Variants in MAST1 observed in about 807,000 individuals in gnomAD.
MAST1 encodes microtubule-associated serine/threonine-protein kinase 1.
A neutral mutation model predicts 124.6 loss-of-function variants in MAST1; 40 were observed. The ratio of observed to expected loss-of-function variants is 0.32; its 90% CI spans 0.25 to 0.42. MAST1 has a LOEUF of 0.42. Among genes scored for constraint, MAST1 ranks in the 10% least tolerant of loss-of-function variants. The pLI, the probability that MAST1 is intolerant of heterozygous loss-of-function variation, is 1.00. For missense variants in MAST1, 1,558 were observed against 2,181.9 expected, an observed-to-expected ratio of 0.71 and a Z score of 5.70; for synonymous variants, 938 against 939.4, an observed-to-expected ratio of 1.00 and a Z score of 0.03.
At position 12,867,903 on chromosome 19, in the gene MAST1, G is replaced by T. The variant is rs369276612; in HGVS notation, c.2492G>T (p.Gly831Val). The change falls in exon 20 of 26, where the codon GGA becomes GTA. Residue 831 changes from glycine to valine, a missense_variant. Physicochemically the swap from Gly to Val is moderately radical, Grantham distance 109. Around this residue, in one of 10 missense-constraint regions of MAST1, gnomAD observed 287 missense variants for 308.0 expected, o/e 0.93. Transcript: ENST00000251472. ...CCCCGGCCCAGCTCCGACCCCGCGGGATCCCTGGATGCACGGGCCCCCAAA... is the reference window on the plus strand; with the variant it reads ...CCCCGGCCCAGCTCCGACCCCGCGGTATCCCTGGATGCACGGGCCCCCAAA... ...RPPRPSSDPA[G>V]SLDARAPKEE... is the part of the protein sequence containing the mutation. 6.9e-6 allele frequency: 11 copies of T among 1,604,394 alleles called. No homozygotes were observed. The Admixed American group carries it at 1.9e-4, about 28-fold the overall frequency.
chr19:12,858,982 T>A (rs181227446), intron 12 of MAST1: 2 of 593,878 alleles, frequency 3.4e-6, no homozygotes, highest in East Asian at 5.5e-5. Flanking sequence ...CCATTATCCA[T>A]CCATCTATCC....
At chr19:12,844,048 A>G (rs1969862324) in intron 4 of MAST1, among the ~76,000 whole-genome samples, 1 of 152,178 alleles carries the variant, frequency 6.6e-6, no homozygotes, top group African/African-American at 2.4e-5. Context: ...CCATTCTTCA[A>G]AGGTGTTCAC....
chr19:12,846,341 C>T (rs1265366369), intron 4 of MAST1, among the ~76,000 whole-genome samples: 3 of 151,954 alleles, frequency 2.0e-5, no homozygotes, highest in Non-Finnish European at 4.4e-5. Flanking sequence ...GTGTGAGTCA[C>T]CATATTCAGT....
chr19:12,868,872 AG>A, intron 21 of MAST1, 23 bp downstream of exon 21: 4 of 1,560,406 alleles, frequency 2.6e-6, no homozygotes, highest in Non-Finnish European at 3.5e-6. Flanking sequence ...CCCACCTGGC[AG>A]GGGAGGGGCT....
Position 12,866,736 on chromosome 19 carries a change from T to G in MAST1, c.2113T>G (p.Ser705Ala). 1 of 1,613,826 alleles carries G rather than the reference T, an allele frequency of 6.2e-7. No individual in the cohort carries two copies. The highest frequency in any genetic ancestry group is 8.5e-7 in the Non-Finnish European group (1 of 1,179,900). ...EEEPVEIRQF[S>A]SCSPRFSKVY... ...GGAGCCCGTGGAAATCCGCCAGTTC[T>G]CTTCCTGCTCTCCGCGCTTCAGCAA... Residue 705 changes from serine (S) to alanine (A), a missense_variant, in exon 18 of 26, where the codon TCT (serine) becomes GCT (alanine). Around this residue, in one of 10 missense-constraint regions of MAST1, gnomAD observed 287 missense variants for 308.0 expected, o/e 0.93. Transcript: ENST00000251472. The surrounding 1 kb of genome is among the most constrained non-coding windows in gnomAD (Gnocchi z 5.2).
Position 12,845,162 on chromosome 19 carries a change from C to T in MAST1, c.327+1555C>T, listed in dbSNP as rs895104544. 3.3e-5 allele frequency among the ~76,000 whole-genome samples: 5 copies of T among 151,874 alleles called. 1 individual carries two copies. Among genetic ancestry groups the T allele is most frequent in the Non-Finnish European group, 4.4e-5 (3 of 67,984 alleles). On this transcript the variant is annotated intron_variant, in intron 4 of 25. Transcript: ENST00000251472. ...AGTAAAAATACAAAAATGAGCCAGG[C>T]GTGGTCATGGATGCCTGTAATCCCA... is the stretch of plus-strand genomic sequence containing the variant.
chr19:12,873,152 G>A (rs1226593163), intron 24 of MAST1, 172 bp from the exon 25 acceptor site: 6 of 635,404 alleles, frequency 9.4e-6, no homozygotes, highest in Non-Finnish European at 1.1e-5. Context: ...GAAGTGGGAG[G>A]AGCCAAGCAG....
chr19:12,866,587 T>A lies in MAST1; in HGVS notation c.2030-66T>A, dbSNP rs1430594232. On this transcript the variant is annotated intron_variant, in intron 17 of 25. Transcript: ENST00000251472. This position sits in a 1 kb window ranked among gnomAD's most constrained non-coding sequence, Gnocchi z 5.2. ...AACCCGTCTTGAACCAGGACTGGGC[T>A]CCTGTGGGGATGTGATATGAGGAGG... is the stretch of plus-strand genomic sequence containing the variant. 1 of 1,032,650 alleles carries A rather than the reference T, an allele frequency of 9.7e-7. No individual in the cohort carries two copies. The highest frequency in any genetic ancestry group is 2.6e-5 in the East Asian group (1 of 39,120). The allele number at this position is 1,032,650 out of a possible 1,614,324, so 64.0% of individuals were successfully genotyped here.
chr19:12,862,893 C>T (rs1970102240), intron 12 of MAST1, among the ~76,000 whole-genome samples: 1 of 151,686 alleles, frequency 6.6e-6, no homozygotes, highest in Non-Finnish European at 1.5e-5. Context: ...TCTCGAACTC[C>T]CAACCTCAGG....
In MAST1 at chr19:12,858,345, C is replaced by T; in HGVS notation, c.1078-17C>T. On this transcript the variant is annotated splice_polypyrimidine_tract_variant and intron_variant, in intron 10 of 25. Transcript: ENST00000251472. ...CATGATGATGATGGTGGTGTGGTCT[C>T]CATCTTTTTCCTGAAGGGCCGCAGC... 6.2e-7 allele frequency: 1 copy of T among 1,610,332 alleles called. No individual in the cohort carries two copies. The highest frequency in any genetic ancestry group is 8.5e-7 in the Non-Finnish European group (1 of 1,177,258).
intron 1 of MAST1, 137 bp from the exon 2 acceptor site, chr19:12,840,309 G>C: frequency 1.6e-6 from 1 of 640,274 alleles, no homozygotes. Context: ...CTTTCTTCGA[G>C]AAACCCTCCC....
In MAST1 at chr19:12,847,958, C is replaced by G; in HGVS notation, c.675C>G (p.Ile225Met). The G allele has an allele frequency of 6.2e-7, 1 of 1,614,104 alleles. No individual in the cohort carries two copies. Among genetic ancestry groups the G allele is most frequent in the Middle Eastern group, 1.6e-4 (1 of 6,062 alleles). Residue 225 changes from isoleucine (I) to methionine (M), a missense_variant, in exon 7 of 26, where the codon ATC becomes ATG. By Grantham distance (10) the Ile-to-Met change is conservative (BLOSUM62 1). Around this residue, in one of 10 missense-constraint regions of MAST1, gnomAD observed 165 missense variants for 315.3 expected, o/e 0.52. Coordinates refer to ENST00000251472, the MANE Select transcript of MAST1 (RefSeq NM_014975.3). The surrounding 1 kb of genome is among the most constrained non-coding windows in gnomAD (Gnocchi z 5.5). ...GVLSFIHHQIIELARDCLTKS... is the reference protein window; with the variant it reads ...GVLSFIHHQIMELARDCLTKS... ...TCAGCTTCATCCACCACCAGATCAT[C>G]GAGCTGGCCCGGGACTGCCTGACCA... is the stretch of plus-strand genomic sequence containing the variant.
In MAST1 at chr19:12,858,588, C is replaced by T; in HGVS notation, c.1215C>T (p.Ile405=). 6.2e-7 allele frequency: 1 copy of T among 1,614,256 alleles called. No homozygotes were observed. Among genetic ancestry groups the T allele is most frequent in the Non-Finnish European group, 8.5e-7 (1 of 1,180,044 alleles). The change falls in exon 12 of 26, where the codon ATC becomes ATT. Residue 405 remains isoleucine, a synonymous_variant. Coordinates refer to ENST00000251472, the MANE Select transcript of MAST1 (RefSeq NM_014975.3). ...DTRQRFAMKK[I]NKQNLILRNQ... ...GGCAGCGCTTTGCCATGAAAAAGAT[C>T]AACAAGCAGAACTTGATCCTCCGCA...
At position 12,838,731 on chromosome 19, in the gene MAST1, G is replaced by C. The variant is rs1969790348; in HGVS notation, c.83+76G>C. 1.5e-6 allele frequency: 2 copies of C among 1,358,654 alleles called. No individual in the cohort carries two copies. Among genetic ancestry groups the C allele is most frequent in the Admixed American group, 2.0e-5 (1 of 49,550 alleles). The allele number at this position is 1,358,654 out of a possible 1,614,324, so 84.2% of individuals were successfully genotyped here. A position where few individuals can be genotyped will look rare whatever the true frequency, so the allele number is the denominator to read the frequency against. ...CCGCTCCGGGTACTGCTGCAGGGCGGGGCCCGGGATGCTGCGCCCGGTCCA... is the reference window on the plus strand; with the variant it reads ...CCGCTCCGGGTACTGCTGCAGGGCGCGGCCCGGGATGCTGCGCCCGGTCCA... On this transcript the variant is annotated intron_variant, in intron 1 of 25. Transcript: ENST00000251472. The surrounding 1 kb of genome is among the most constrained non-coding windows in gnomAD (Gnocchi z 4.3).
intron 24 of MAST1, among the ~76,000 whole-genome samples, chr19:12,873,079 G>T (rs988623554): frequency 2.4e-4 from 37 of 151,076 alleles, no homozygotes; most frequent in African/African-American, 9.0e-4. Flanking sequence ...GAACAGGTTG[G>T]TTTTGTTTGG....
In MAST1 at chr19:12,865,895, T is replaced by C; in HGVS notation, c.1906+77T>C. 1 of 1,604,274 alleles carries C rather than the reference T, an allele frequency of 6.2e-7. No individual in the cohort carries two copies. The highest frequency in any genetic ancestry group is 8.5e-7 in the Non-Finnish European group (1 of 1,172,868). On this transcript the variant is annotated intron_variant, in intron 16 of 25. Transcript: ENST00000251472. The surrounding 1 kb of genome is among the most constrained non-coding windows in gnomAD (Gnocchi z 7.1). ...CCAAAACCCCAGGCCCAGCCTGTGC[T>C]GTGGCCCCGGGGCGGAAGACATGGG...
intron 10 of MAST1, among the ~76,000 whole-genome samples, chr19:12,855,784 G>T (rs1437146946): frequency 2.0e-5 from 3 of 152,070 alleles, no homozygotes; most frequent in Non-Finnish European, 4.4e-5. Context: ...ATCTCTCATT[G>T]TTTGTAGGAT....
At chr19:12,871,630 CAAAA>C (rs949777129) in intron 24 of MAST1, among the ~76,000 whole-genome samples, 42 of 150,648 alleles carry the variant, frequency 2.8e-4, no homozygotes, top group Non-Finnish European at 3.8e-4. Context: ...AACAAACAAA[CAAAA>C]AAAGAGGGGC....
At chr19:12,849,720 C>T (rs1338281433) in intron 7 of MAST1, among the ~76,000 whole-genome samples, 3 of 152,010 alleles carry the variant, frequency 2.0e-5, no homozygotes, top group African/African-American at 7.3e-5. Flanking sequence ...CACACACCTG[C>T]TGTCCCAGCT....
Sources: allele counts gnomAD v4.1 joint callset (sites outside exome capture counted in the v4.1 genomes callset), GRCh38; gene constraint gnomAD v4.1.1; regional missense constraint gnomAD v4.1.1; non-coding constraint Gnocchi (gnomAD v3.1); transcripts MANE v1.5; gene names NCBI Gene and HGNC (gene_info 2026-07-23, HGNC 2026-07-21).